Variants in PCDHA9 observed in about 807,000 individuals in gnomAD.
The protein encoded by PCDHA9 is protocadherin alpha 9, also known as protocadherin alpha-9.
A neutral mutation model predicts 62.0 loss-of-function variants in PCDHA9; 62 were observed. That is an observed-to-expected ratio of 1.00 (90% CI 0.81 to 1.23). The LOEUF is 1.23. PCDHA9 is among the 50% of genes most tolerant of loss of function. PCDHA9 has a pLI of 0.00. For synonymous variants in PCDHA9, 557 were observed against 567.6 expected, an observed-to-expected ratio of 0.98 and a Z score of 0.27; for missense variants, 1,205 against 1,249.8, an observed-to-expected ratio of 0.96 and a Z score of 0.54.
At chr5:140,976,203 A>T (rs1301475935) in intron 1 of PCDHA9, among the ~76,000 whole-genome samples, 1 of 152,220 alleles carries the variant, frequency 6.6e-6, no homozygotes, top group East Asian at 1.9e-4. Flanking sequence ...GAAACTCAGA[A>T]GTAAAAAAGA....
At position 141,009,698 on chromosome 5, in the gene PCDHA9, G is replaced by A. The variant is rs900919931; in HGVS notation, c.2614G>A (p.Gly872Arg). The part of the protein sequence containing the change: ...VNSNSWTFKY[G>R]PGNPKQSGPG... Reference sequence around the variant, plus strand: ...CAGCAACAGCTGGACCTTTAAATACGGACCAGGCAACCCCAAACAATCCGG... The same window carrying A: ...CAGCAACAGCTGGACCTTTAAATACAGACCAGGCAACCCCAAACAATCCGG... The change falls in exon 4 of 4, where the codon GGA (glycine) becomes AGA (arginine). Residue 872 changes from glycine (G) to arginine (R), a missense_variant. Physicochemically the swap from Gly to Arg is moderately radical, Grantham distance 125. Transcript: ENST00000532602. The A allele has an allele frequency of 1.9e-6, 3 of 1,614,030 alleles. No homozygotes were observed. The highest frequency in any genetic ancestry group is 1.1e-5 in the South Asian group (1 of 91,066).
At chr5:140,892,469 A>T (rs557049666) in intron 1 of PCDHA9, among the ~76,000 whole-genome samples, 1 of 152,184 alleles carries the variant, frequency 6.6e-6, no homozygotes, top group Admixed American at 6.5e-5. Context: ...ACGGTTATTC[A>T]GTTTCCTAGC....
chr5:140,948,189 G>A (rs1032631604), intron 1 of PCDHA9, among the ~76,000 whole-genome samples: 4 of 151,532 alleles, frequency 2.6e-5, no homozygotes, highest in African/African-American at 9.7e-5. Context: ...ATCCCACTTA[G>A]TCATGATATA....
chr5:140,928,155 C>T, intron 1 of PCDHA9: 2 of 1,614,178 alleles, frequency 1.2e-6, no homozygotes, highest in Non-Finnish European at 1.7e-6. Flanking sequence ...CAGATAGTGG[C>T]TCACCCCCAC....
intron 1 of PCDHA9, among the ~76,000 whole-genome samples, chr5:140,975,996 C>G (rs923472287): frequency 4.6e-5 from 7 of 152,064 alleles, no homozygotes; most frequent in African/African-American, 1.7e-4. Flanking sequence ...GAGGTACCAT[C>G]TAAGTATTAA....
intron 3 of PCDHA9, among the ~76,000 whole-genome samples, chr5:140,992,803 G>A (rs2097529196): frequency 6.6e-6 from 1 of 152,146 alleles, no homozygotes; most frequent in African/African-American, 2.4e-5. Context: ...GGATCCATAT[G>A]TATCTAAGGA....
At chr5:140,879,257 G>A (rs782639090) in intron 1 of PCDHA9, among the ~76,000 whole-genome samples, 3 of 152,202 alleles carry the variant, frequency 2.0e-5, no homozygotes, top group Non-Finnish European at 4.4e-5. Flanking sequence ...AGTAGAAGCA[G>A]CCAGATAATG....
chr5:140,850,881 A>G lies in PCDHA9; in HGVS notation c.2386A>G (p.Thr796Ala), dbSNP rs2041865232. ...TGEPSASSDS[T>A]GKPRQPNPDW... ...AGAACCCTCTGCTTCCTCAGATTCA[A>G]CTGGGAAGGTGGGTTTTTCTAGCAT... The change falls in exon 1 of 4, where the codon ACT (threonine) becomes GCT (alanine). Residue 796 changes from threonine to alanine, a missense_variant. By Grantham distance (58) the Thr-to-Ala change is moderately conservative (BLOSUM62 0). Transcript: ENST00000532602. 2 of 1,586,312 alleles carry G rather than the reference A, an allele frequency of 1.3e-6. No individual in the cohort carries two copies. The highest frequency in any genetic ancestry group is 1.4e-5 in the African/African-American group (1 of 74,034).
At chr5:140,989,109 A>C (rs2097330096) in intron 3 of PCDHA9, 2 of 152,240 alleles carry the variant, frequency 1.3e-5, no homozygotes, top group African/African-American at 4.8e-5. Context: ...CAACTTTTGA[A>C]TATATCTTAG....
chr5:140,998,446 T>C (rs1266567801), intron 3 of PCDHA9, among the ~76,000 whole-genome samples: 1 of 152,248 alleles, frequency 6.6e-6, no homozygotes, highest in African/African-American at 2.4e-5. Flanking sequence ...TTATTGTATT[T>C]ATTCATTTAC....
intron 1 of PCDHA9, among the ~76,000 whole-genome samples, chr5:140,951,625 A>T (rs2094607568): frequency 6.6e-6 from 1 of 152,114 alleles, no homozygotes; most frequent in African/African-American, 2.4e-5. Flanking sequence ...CAAGGGGGAA[A>T]CCTGCCCCAT....
At chr5:141,006,085 C>T (rs1588120524) in intron 3 of PCDHA9, among the ~76,000 whole-genome samples, 1 of 148,094 alleles carries the variant, frequency 6.8e-6, no homozygotes, top group African/African-American at 2.5e-5. Context: ...ATTGAAGGGA[C>T]TTATGTATCA....
At chr5:140,854,262 A>G in intron 1 of PCDHA9, 1 of 592,128 alleles carries the variant, frequency 1.7e-6, no homozygotes, top group South Asian at 7.2e-5. Flanking sequence ...TAAAATGTAC[A>G]TTAGTAGAAA....
intron 3 of PCDHA9, 102 bp downstream of exon 3, chr5:140,982,665 A>G (rs1318068299): frequency 2.0e-6 from 3 of 1,465,204 alleles, no homozygotes; most frequent in Middle Eastern, 2.1e-4. Context: ...TTTCTTTTAT[A>G]TTTTTGTTAT....
intron 1 of PCDHA9, chr5:140,859,624 G>C (rs11749013): frequency 0.2 from 31,664 of 160,658 alleles, 6,158 homozygotes; most frequent in Middle Eastern, 0.25. Context: ...TTCTCTTTGA[G>C]TATGGAGATT....
intron 1 of PCDHA9, chr5:140,876,403 G>A (rs1361779592): frequency 1.2e-6 from 2 of 1,613,820 alleles, no homozygotes. Context: ...ACTGGATTTT[G>A]AAGAGAATAA....
chr5:141,000,417 A>ATTT (rs1563652061), intron 3 of PCDHA9, among the ~76,000 whole-genome samples: 30 of 77,716 alleles, frequency 3.9e-4, no homozygotes, highest in South Asian at 4.7e-4. Flanking sequence ...ATATATATAT[A>ATTT]TATATTTTTT....
At chr5:140,938,705 A>G (rs1554212312) in intron 1 of PCDHA9, among the ~76,000 whole-genome samples, 1 of 152,150 alleles carries the variant, frequency 6.6e-6, no homozygotes, top group African/African-American at 2.4e-5. Context: ...ATATATGTTT[A>G]TGATAGAAAC....
chr5:140,966,724 C>G (rs1357964806), intron 1 of PCDHA9: 25 of 1,396,170 alleles, frequency 1.8e-5, no homozygotes, highest in Non-Finnish European at 2.3e-5. Context: ...GGGAAGCTGC[C>G]GCCTCCGGCC....
Sources: allele counts gnomAD v4.1 joint callset (sites outside exome capture counted in the v4.1 genomes callset), GRCh38; gene constraint gnomAD v4.1.1; transcripts MANE v1.5; gene names NCBI Gene and HGNC (gene_info 2026-07-23, HGNC 2026-07-21).